Variants in PRDM15 observed in about 807,000 individuals in gnomAD.
PRDM15 encodes the protein PR/SET domain 15.
Under a neutral mutation model 128.6 loss-of-function variants are expected in PRDM15, and 64 were observed. The ratio of observed to expected loss-of-function variants is 0.50; its 90% CI spans 0.41 to 0.61. The LOEUF (loss-of-function observed/expected upper bound fraction) is 0.61. Among genes scored for constraint, PRDM15 ranks in the 20% least tolerant of loss-of-function variants. PRDM15 has a pLI of 0.00. For missense variants in PRDM15, 1,242 were observed against 1,569.1 expected (o/e 0.79, Z 3.52); for synonymous variants, 615 against 621.8 (o/e 0.99, Z 0.16).
At chr21:41,825,445 A>G (rs2062434729) in intron 13 of PRDM15, among the ~76,000 whole-genome samples, 1 of 152,240 alleles carries the variant, frequency 6.6e-6, no homozygotes, top group South Asian at 2.1e-4. Context: ...CATGGATGAC[A>G]TCACCCTTTC....
chr21:41,819,466 GC>G, intron 18 of PRDM15, 115 bp downstream of exon 18: 1 of 119,890 alleles, frequency 8.3e-6, no homozygotes, highest in Non-Finnish European at 1.5e-5. Context: ...CCCGGCCCCC[GC>G]CCCCGCCACA....
intron 9 of PRDM15, 37 bp from the exon 10 acceptor site, chr21:41,836,244 T>C (rs118166807): frequency 0.017 from 26,521 of 1,571,442 alleles, 344 homozygotes; most frequent in Middle Eastern, 0.063. Context: ...ATTCACTACT[T>C]AGAGCATTTA....
chr21:41,861,111 T>C (rs1047759493), intron 1 of PRDM15, among the ~76,000 whole-genome samples: 5 of 152,210 alleles, frequency 3.3e-5, no homozygotes, highest in African/African-American at 1.2e-4. Flanking sequence ...GCTGGGATTA[T>C]GGCACAAGCC....
At chr21:41,858,991 GCCA>G (rs771888941) in intron 3 of PRDM15, 1 of 1,469,378 alleles carries the variant, frequency 6.8e-7, no homozygotes, top group South Asian at 1.2e-5. Flanking sequence ...CTCTACAGAG[GCCA>G]CCGAGGTCCG....
intron 11 of PRDM15, among the ~76,000 whole-genome samples, chr21:41,829,247 A>G (rs2062596420): frequency 6.7e-6 from 1 of 149,704 alleles, no homozygotes; most frequent in Admixed American, 6.6e-5. Flanking sequence ...AAATACATAC[A>G]CACCCAACAC....
intron 11 of PRDM15, among the ~76,000 whole-genome samples, chr21:41,834,998 C>T (rs184494224): frequency 9.2e-5 from 14 of 152,228 alleles, no homozygotes; most frequent in South Asian, 6.2e-4. Flanking sequence ...CCCTGGACGC[C>T]GCAGGAGATG....
chr21:41,849,791 G>C (rs1039620836), intron 5 of PRDM15, among the ~76,000 whole-genome samples: 3 of 152,050 alleles, frequency 2.0e-5, no homozygotes, highest in African/African-American at 7.2e-5. Flanking sequence ...AAAAAAATTA[G>C]CTGGGCATGA....
intron 23 of PRDM15, 99 bp downstream of exon 23, chr21:41,802,613 C>A: frequency 1.0e-6 from 1 of 969,048 alleles, no homozygotes; most frequent in Admixed American, 1.7e-5. Flanking sequence ...CACATGTACA[C>A]TGTGTATAGT....
At chr21:41,841,913 A>T (rs2063085207) in intron 6 of PRDM15, among the ~76,000 whole-genome samples, 2 of 152,254 alleles carry the variant, frequency 1.3e-5, no homozygotes, top group South Asian at 4.1e-4. Flanking sequence ...TATTAAGTGC[A>T]TATAAACTCA....
chr21:41,835,195 A>C (rs1185783689), intron 11 of PRDM15, among the ~76,000 whole-genome samples: 1 of 152,222 alleles, frequency 6.6e-6, no homozygotes, highest in Non-Finnish European at 1.5e-5. Flanking sequence ...GTGTGGGGCC[A>C]TACGCAGCTC....
Position 41,801,420 on chromosome 21 carries a change from C to G in PRDM15, c.3246G>C (p.Thr1082=). 6.2e-7 allele frequency: 1 copy of G among 1,613,994 alleles called. No homozygotes were observed. The highest frequency in any genetic ancestry group is 8.5e-7 in the Non-Finnish European group (1 of 1,179,964). The change falls in exon 24 of 24, where the codon ACG becomes ACC. Residue 1082 remains threonine (T), a synonymous_variant. Transcript: ENST00000398548. ...GGGGCGTGATGGAGTTGACCAGGGTCGTCAGGTTGATGAAATGGGCCACAG... is the reference window on the plus strand; with the variant it reads ...GGGGCGTGATGGAGTTGACCAGGGTGGTCAGGTTGATGAAATGGGCCACAG... ...PQSVAHFINL[T]TLVNSITPLG...
At position 41,821,941 on chromosome 21, in the gene PRDM15, C is replaced by G. The variant is rs1233311650; in HGVS notation, c.1858G>C (p.Asp620His). ...CAGCTGTACTTGTGAGGCTCCGAGT[C>G]TGCGCTCTCGTCAGAATTGTCATCG... ...ENDDNSDESA[D>H]SEPHKYSCKR... The change falls in exon 15 of 24, where the codon GAC becomes CAC. Residue 620 changes from aspartate (D) to histidine (H), a missense_variant. Physicochemically the swap from Asp to His is moderately conservative, Grantham distance 81 (BLOSUM62 -1). This residue lies in a region of PRDM15 where 602 missense variants were observed against 788.3 expected (regional missense o/e 0.76). Coordinates refer to ENST00000398548, the MANE Select transcript of PRDM15 (RefSeq NM_001040424.3). The surrounding 1 kb of genome is among the most constrained non-coding windows in gnomAD (Gnocchi z 5.4). The G allele has an allele frequency of 3.7e-6, 6 of 1,614,218 alleles. No homozygotes were observed. The East Asian group carries it at 8.9e-5, about 24-fold the overall frequency.
chr21:41,841,712 T>G (rs2063078841), intron 6 of PRDM15, among the ~76,000 whole-genome samples: 1 of 152,244 alleles, frequency 6.6e-6, no homozygotes, highest in South Asian at 2.1e-4. Flanking sequence ...ATACTCTACT[T>G]GTTAGATGCG....
rs937080708 is a variant in PRDM15 at position 41,798,840 on chromosome 21, T to G, written c.*2400A>C. ...CTCTTCTGCCTGGGTGGTACATGGT[T>G]GTTGTATTTTGCTATCTAGTTTCTT... On this transcript the variant is annotated 3_prime_UTR_variant, in exon 24 of 24. Coordinates refer to ENST00000398548, the MANE Select transcript of PRDM15 (RefSeq NM_001040424.3). 1.1e-4 allele frequency: 17 copies of G among 152,266 alleles called. No homozygotes were observed. Among genetic ancestry groups the G allele is most frequent in the African/African-American group, 4.1e-4 (17 of 41,460 alleles). 9.4% of individuals were successfully genotyped at this position (152,266 alleles called of 1,614,324 possible). A position where few individuals can be genotyped will look rare whatever the true frequency, so the allele number is the denominator to read the frequency against.
At position 41,878,812 on chromosome 21, in the gene PRDM15, C is replaced by A. The variant is rs933516360; in HGVS notation, c.-10+458G>T. ...ATCCCCTGGGGCCTCGGCGACGACG[C>A]CGCCCGGCGGCGGGGGCCGCGGGGC... On this transcript the variant is annotated intron_variant, in intron 1 of 23. Coordinates refer to ENST00000398548, the MANE Select transcript of PRDM15 (RefSeq NM_001040424.3). 2.2e-5 allele frequency: 26 copies of A among 1,190,918 alleles called. No homozygotes were observed. In the Middle Eastern group the frequency reaches 9.1e-4, roughly 42 times the overall value. The allele number at this position is 1,190,918 out of a possible 1,614,324, so 73.8% of individuals were successfully genotyped here. A position where few individuals can be genotyped will look rare whatever the true frequency, so the allele number is the denominator to read the frequency against.
chr21:41,834,370 C>A, intron 11 of PRDM15: 1 of 766,492 alleles, frequency 1.3e-6, no homozygotes, highest in South Asian at 1.7e-5. Flanking sequence ...CTGGTCAGAG[C>A]CCCTGGGAGT....
Position 41,838,900 on chromosome 21 carries a change from TA to T in PRDM15, c.871+722del, listed in dbSNP as rs575924675. On this transcript the variant is annotated intron_variant, in intron 7 of 23. Coordinates refer to ENST00000398548, the MANE Select transcript of PRDM15 (RefSeq NM_001040424.3). ...AGAAATCCTGGTGTATCCCAGACAG[TA>T]AAAAGAAAAACTGCCCAGTGTCAGT... is the stretch of plus-strand genomic sequence containing the variant. 4.9e-3 allele frequency among the ~76,000 whole-genome samples: 748 copies of T among 152,122 alleles called. 6 individuals are homozygous for T. The highest frequency in any genetic ancestry group is 8.0e-3 in the Non-Finnish European group (544 of 67,978).
intron 5 of PRDM15, among the ~76,000 whole-genome samples, chr21:41,851,240 A>G (rs2063419276): frequency 6.6e-6 from 1 of 152,244 alleles, no homozygotes; most frequent in East Asian, 1.9e-4. Flanking sequence ...CTAGAACTCC[A>G]GTCCTTCACG....
At chr21:41,848,657 G>A (rs754772657) in intron 5 of PRDM15, among the ~76,000 whole-genome samples, 2 of 152,210 alleles carry the variant, frequency 1.3e-5, no homozygotes, top group Non-Finnish European at 2.9e-5. Context: ...TTAGCTGGAA[G>A]CCACCACTTC....
Sources: allele counts gnomAD v4.1 joint callset (sites outside exome capture counted in the v4.1 genomes callset), GRCh38; gene constraint gnomAD v4.1.1; regional missense constraint gnomAD v4.1.1; non-coding constraint Gnocchi (gnomAD v3.1); transcripts MANE v1.5; gene names NCBI Gene and HGNC (gene_info 2026-07-23, HGNC 2026-07-21).